Variants in PODN observed in about 807,000 individuals in gnomAD.
The protein encoded by PODN is podocan proteoglycan.
Under a neutral mutation model 52.7 loss-of-function variants are expected in PODN, and 40 were observed. The ratio of observed to expected loss-of-function variants is 0.76; its 90% confidence interval spans 0.59 to 0.99. The LOEUF is 0.99. PODN is among the 50% of genes least tolerant of loss of function. PODN has a pLI of 0.00. For missense variants in PODN, 720 were observed against 815.1 expected, an observed-to-expected ratio of 0.88 and a Z score of 1.42; for synonymous variants, 396 against 377.9, an observed-to-expected ratio of 1.05 and a Z score of -0.56.
intron 1 of PODN, among the ~76,000 whole-genome samples, chr1:53,063,710 C>T (rs756581773): frequency 6.6e-6 from 1 of 152,206 alleles, no homozygotes; most frequent in Non-Finnish European, 1.5e-5. Context: ...AGTCACACGA[C>T]TGTTTTCATG....
Position 53,071,758 on chromosome 1 carries a change from G to C in PODN, c.406+130G>C, listed in dbSNP as rs537938357. ...GGTGTGGATGGAAGAGAGCAGGCCCGGGCCAGGCTAGCAGTGGGGCTGCAT... is the reference window on the plus strand; with the variant it reads ...GGTGTGGATGGAAGAGAGCAGGCCCCGGCCAGGCTAGCAGTGGGGCTGCAT... On this transcript the variant is annotated intron_variant, in intron 3 of 10. Transcript: ENST00000312553. 6.7e-4 allele frequency: 603 copies of C among 893,624 alleles called. 3 individuals carry two copies. In the East Asian group the frequency reaches 8.8e-3, roughly 13 times the overall value. 55.4% of individuals were successfully genotyped at this position (893,624 alleles called of 1,614,324 possible).
chr1:53,062,774 T>G (rs1643976661), intron 1 of PODN, among the ~76,000 whole-genome samples: 1 of 152,166 alleles, frequency 6.6e-6, no homozygotes, highest in African/African-American at 2.4e-5. Context: ...TCCACCTCTT[T>G]ATAGATAGAG....
intron 10 of PODN, among the ~76,000 whole-genome samples, chr1:53,083,697 G>A (rs1247184648): frequency 6.6e-6 from 1 of 152,240 alleles, no homozygotes; most frequent in Non-Finnish European, 1.5e-5. Flanking sequence ...AAGGAACAAG[G>A]GAGTGTGTTG....
chr1:53,077,066 A>T, intron 5 of PODN, 124 bp from the exon 6 acceptor site: 1 of 1,253,816 alleles, frequency 8.0e-7, no homozygotes, highest in Non-Finnish European at 1.1e-6. Context: ...GGTGCTTCTA[A>T]CTCTGTACCC....
At chr1:53,070,663 A>G (rs59611754) in intron 2 of PODN, among the ~76,000 whole-genome samples, 7,364 of 152,290 alleles carry the variant, frequency 0.048, 270 homozygotes, top group East Asian at 0.19. Flanking sequence ...TGGAGTGCAG[A>G]TGCACCCATC....
intron 10 of PODN, 81 bp downstream of exon 10, chr1:53,082,269 C>A: frequency 7.2e-7 from 1 of 1,392,560 alleles, no homozygotes; most frequent in Non-Finnish European, 9.3e-7. Context: ...GTCTTTCTGT[C>A]CATTCTTCAC....
In PODN at chr1:53,074,118, C is replaced by T. The variant is rs530470991; in HGVS notation, c.407-488C>T. ...CCCAGAAACGAGAGTCAGAGGCCAG[C>T]CTGGCAGGGCTCCCGGTAGCAGCCG... On this transcript the variant is annotated intron_variant, in intron 3 of 10. Transcript: ENST00000312553. 1.2e-4 allele frequency among the ~76,000 whole-genome samples: 19 copies of T among 152,332 alleles called. No individual in the cohort carries two copies. The South Asian group carries it at 2.7e-3, about 22-fold the overall frequency.
chr1:53,069,973 C>T lies in PODN; in HGVS notation c.118C>T (p.Pro40Ser). 1 of 1,608,656 alleles carries T rather than the reference C, an allele frequency of 6.2e-7. No individual in the cohort carries two copies. The highest frequency in any genetic ancestry group is 8.5e-7 in the Non-Finnish European group (1 of 1,178,096). Residue 40 changes from proline (P) to serine (S), a missense_variant, in exon 2 of 11, where the codon CCC (proline) becomes TCC (serine). Pro to Ser is a moderately conservative substitution (Grantham distance 74). Coordinates refer to ENST00000312553, the MANE Select transcript of PODN (RefSeq NM_153703.5). ...FGRSGGHSLS[P>S]EENEFAEEEP... ...CCGAAGTGGCGGCCACAGCCTGAGCCCCGAAGAGAACGAATTTGCGGAGGA... is the reference window on the plus strand; with the variant it reads ...CCGAAGTGGCGGCCACAGCCTGAGCTCCGAAGAGAACGAATTTGCGGAGGA...
rs1644302188 is a variant in PODN, at chr1:53,081,969, A to T, written c.1662-12A>T. The T allele has an allele frequency of 1.9e-6, 3 of 1,579,986 alleles. No homozygotes were observed. Among genetic ancestry groups the T allele is most frequent in the Admixed American group, 1.7e-5 (1 of 57,196 alleles). On this transcript the variant is annotated splice_polypyrimidine_tract_variant and intron_variant, in intron 9 of 10. Coordinates refer to ENST00000312553, the MANE Select transcript of PODN (RefSeq NM_153703.5). The stretch of plus-strand genomic sequence containing the variant: ...TGGGCTCCTGGCATTGACTGCCTCG[A>T]TGCTCACACAGGTTTAACAAGCTGG...
At chr1:53,075,779 C>A in intron 4 of PODN, 83 bp from the exon 5 acceptor site, 2 of 1,188,896 alleles carry the variant, frequency 1.7e-6, no homozygotes, top group South Asian at 1.3e-5. Context: ...AGTGAAGGGG[C>A]CCCGGTGGGC....
Position 53,062,230 on chromosome 1 carries a change from C to CCCGA in PODN, c.-133_-130dup. On this transcript the variant is annotated 5_prime_UTR_variant, in exon 1 of 11. It introduces an in-frame stop codon into an upstream open reading frame of the 5' UTR. Transcript: ENST00000312553. ...CCCAGCTTGACTTGAATGGAAGGAG[C>CCCGA]CCGAGCCCGCGGAGCGCAGCTGAGA... is the stretch of plus-strand genomic sequence containing the variant. 1 of 1,273,852 alleles carries CCCGA rather than the reference C, an allele frequency of 7.9e-7. No homozygotes were observed. The highest frequency in any genetic ancestry group is 1.0e-6 in the Non-Finnish European group (1 of 1,003,228). The allele number at this position is 1,273,852 out of a possible 1,614,324, so 78.9% of individuals were successfully genotyped here.
At chr1:53,080,320 TGG>T (rs1393989628) in intron 8 of PODN, among the ~76,000 whole-genome samples, 1 of 152,218 alleles carries the variant, frequency 6.6e-6, no homozygotes, top group African/African-American at 2.4e-5. Flanking sequence ...ATTCAGAGTC[TGG>T]GGGATCCCTG....
Position 53,063,308 on chromosome 1 carries a change from T to A in PODN, c.-56+1000T>A, listed in dbSNP as rs566370207. 3 of 961,048 alleles carry A rather than the reference T, an allele frequency of 3.1e-6. No homozygotes were observed. The South Asian group carries it at 1.4e-4, about 46-fold the overall frequency. 59.5% of individuals were successfully genotyped at this position (961,048 alleles called of 1,614,324 possible). On this transcript the variant is annotated intron_variant, in intron 1 of 10. Coordinates refer to ENST00000312553, the MANE Select transcript of PODN (RefSeq NM_153703.5). Reference sequence around the variant, plus strand: ...GAGCTGGTCCGGGAGGCGCGGAGGATGCTCACCCAGCGCTTGGAGTGAATT... The same window carrying A: ...GAGCTGGTCCGGGAGGCGCGGAGGAAGCTCACCCAGCGCTTGGAGTGAATT...
intron 5 of PODN, 36 bp from the exon 6 acceptor site, chr1:53,077,154 G>A (rs764478620): frequency 1.0e-5 from 16 of 1,606,546 alleles, no homozygotes; most frequent in Admixed American, 1.7e-5. Context: ...GGCCTGGGGA[G>A]CCCAGGTGGG....
chr1:53,076,384 C>T (rs1644195255), intron 5 of PODN, among the ~76,000 whole-genome samples: 1 of 152,204 alleles, frequency 6.6e-6, no homozygotes, highest in Non-Finnish European at 1.5e-5. Flanking sequence ...CCCCAGTGCC[C>T]TTCCATCCCT....
rs114780140 is a variant in PODN, at chr1:53,062,390, G to A, written c.-56+82G>A. On this transcript the variant is annotated intron_variant, in intron 1 of 10. Transcript: ENST00000312553. ...CGCACTCAGACGTCCCCGCCTCTCCGGATGGCTCCAGCAGCTGCCTGGGGC... is the reference window on the plus strand; with the variant it reads ...CGCACTCAGACGTCCCCGCCTCTCCAGATGGCTCCAGCAGCTGCCTGGGGC... 4.3e-3 allele frequency: 4,517 copies of A among 1,061,096 alleles called. 156 individuals are homozygous for A. In the African/African-American group the frequency reaches 0.069, roughly 16 times the overall value. 65.7% of individuals were successfully genotyped at this position (1,061,096 alleles called of 1,614,324 possible). A position where few individuals can be genotyped will look rare whatever the true frequency, so the allele number is the denominator to read the frequency against.
intron 10 of PODN, among the ~76,000 whole-genome samples, chr1:53,083,225 A>G (rs1021174224): frequency 3.3e-5 from 5 of 152,162 alleles, no homozygotes; most frequent in Non-Finnish European, 7.4e-5. Flanking sequence ...AGAGGTGGGA[A>G]TGGAGTGTGA....
At chr1:53,083,562 C>G (rs1288396) in intron 10 of PODN, among the ~76,000 whole-genome samples, 146,643 of 152,314 alleles carry the variant, frequency 0.96, 70,829 homozygotes, top group East Asian at 1. Flanking sequence ...TCAGCCGGAT[C>G]CCTCCAGTCT....
At position 53,080,856 on chromosome 1, in the gene PODN, C is replaced by T; in HGVS notation, c.1641C>T (p.Asn547=). The T allele has an allele frequency of 6.2e-7, 1 of 1,614,104 alleles. No homozygotes were observed. Among genetic ancestry groups the T allele is most frequent in the Non-Finnish European group, 8.5e-7 (1 of 1,180,024 alleles). ...VPANAFDSTP[N]LKGIFLRFNK... Reference sequence around the variant, plus strand: ...CCAATGCCTTCGACTCCACGCCCAACCTCAAGGGGATCTTTCTCAGGTAGG... The same window carrying T: ...CCAATGCCTTCGACTCCACGCCCAATCTCAAGGGGATCTTTCTCAGGTAGG... The change falls in exon 9 of 11, where the codon AAC becomes AAT. Residue 547 remains asparagine (N), a synonymous_variant. Transcript: ENST00000312553.
Sources: gnomAD v4.1 joint callset for allele counts (sites outside exome capture counted in the v4.1 genomes callset) on GRCh38, gnomAD v4.1.1 for gene constraint, MANE v1.5 for transcripts, NCBI Gene and HGNC (gene_info 2026-07-23, HGNC 2026-07-21) for gene names.